NLGN4X: variants seen among roughly 807,000 people sequenced by gnomAD.
The protein encoded by NLGN4X is neuroligin-4, X-linked.
Under a neutral mutation model 40.3 loss-of-function variants are expected in NLGN4X, and 3 were observed. The ratio of observed to expected loss-of-function variants is 0.07; its 90% CI spans 0.03 to 0.19. The LOEUF is 0.19. NLGN4X is among the 10% of genes least tolerant of loss of function. The probability of loss-of-function intolerance (pLI) is 1.00; values close to 1 mark genes in which losing one functional copy is unlikely to be tolerated. For missense variants in NLGN4X, 382 were observed against 708.3 expected, an observed-to-expected ratio of 0.54 and a Z score of 5.23; for synonymous variants, 270 against 306.8, an observed-to-expected ratio of 0.88 and a Z score of 1.25.
chrX:6,208,720 T>G (rs1924273589), intron 1 of NLGN4X, among the ~76,000 whole-genome samples: 1 of 111,716 alleles, frequency 9.0e-6, no homozygotes, highest in Non-Finnish European at 1.9e-5. Flanking sequence ...GATGTCAAAC[T>G]CAAAACATAA....
intron 4 of NLGN4X, 151 bp downstream of exon 4, chrX:5,908,903 G>C: frequency 4.8e-6 from 3 of 621,246 alleles, no homozygotes; most frequent in Non-Finnish European, 7.5e-6. Flanking sequence ...TGAGTTAAAA[G>C]ACATGAAGAT....
chrX:6,210,816 C>T (rs1924537654), intron 1 of NLGN4X, among the ~76,000 whole-genome samples: 1 of 112,339 alleles, frequency 8.9e-6, no homozygotes, highest in South Asian at 3.7e-4. Context: ...CAGTGCTAGA[C>T]CTTGACCTTG....
intron 3 of NLGN4X, among the ~76,000 whole-genome samples, chrX:6,001,612 A>G (rs1362420953): frequency 1.8e-5 from 2 of 111,574 alleles, no homozygotes; most frequent in Non-Finnish European, 3.8e-5. Flanking sequence ...TTCAATTTCA[A>G]AACAATCATG....
At position 6,228,788 on chromosome X, in the gene NLGN4X, A is replaced by G. The variant is rs764039305; in HGVS notation, c.-553T>C. The stretch of plus-strand genomic sequence containing the variant: ...GTGGACGGGCAGAACAAGCATTACA[A>G]TTGAAGCAGGAAGGGCCAAGCTAGT... On this transcript the variant is annotated 5_prime_UTR_variant, in exon 1 of 6. Coordinates refer to ENST00000381095, the MANE Select transcript of NLGN4X (RefSeq NM_181332.3). 2.1e-4 allele frequency: 24 copies of G among 112,017 alleles called. No homozygotes were observed. In the Admixed American group the frequency reaches 2.3e-3, roughly 11 times the overall value. 9.2% of individuals were successfully genotyped at this position (112,017 alleles called of 1,213,427 possible).
At chrX:6,184,276 C>T (rs759131009) in intron 1 of NLGN4X, among the ~76,000 whole-genome samples, 3 of 111,842 alleles carry the variant, frequency 2.7e-5, no homozygotes, top group Non-Finnish European at 1.9e-5. Flanking sequence ...TTTCATTTAC[C>T]TGATGCCATT....
chrX:6,038,534 C>T (rs2037078005), intron 2 of NLGN4X, among the ~76,000 whole-genome samples: 1 of 113,046 alleles, frequency 8.8e-6, no homozygotes, highest in Non-Finnish European at 1.9e-5. Context: ...GGGCTTCACC[C>T]AATGTATATG....
intron 2 of NLGN4X, among the ~76,000 whole-genome samples, chrX:6,110,008 C>T (rs1425951095): frequency 9.0e-6 from 1 of 110,843 alleles, no homozygotes; most frequent in Non-Finnish European, 1.9e-5. Flanking sequence ...CAGAAAAACG[C>T]TTTCCTGACA....
intron 2 of NLGN4X, among the ~76,000 whole-genome samples, chrX:6,040,333 G>T (rs977251782): frequency 9.9e-5 from 11 of 111,038 alleles, no homozygotes; most frequent in African/African-American, 3.6e-4. Context: ...TAAATAATTT[G>T]CCCAAGTTTA....
chrX:5,980,992 A>C (rs1267893149), intron 3 of NLGN4X, among the ~76,000 whole-genome samples: 1 of 111,733 alleles, frequency 8.9e-6, no homozygotes, highest in Non-Finnish European at 1.9e-5. Flanking sequence ...TAATTTGTAC[A>C]AAATAAATAT....
At chrX:6,208,472 T>C (rs12853031) in intron 1 of NLGN4X, among the ~76,000 whole-genome samples, 45,042 of 111,102 alleles carry the variant, frequency 0.41, 6,689 homozygotes, top group Non-Finnish European at 0.46. Flanking sequence ...TAAAGTCTAT[T>C]CTGGTTATGA....
Position 6,074,868 on chromosome X carries a change from G to A in NLGN4X, c.473-45436C>T, listed in dbSNP as rs147390854. 1.2e-4 allele frequency among the ~76,000 whole-genome samples: 13 copies of A among 111,777 alleles called. No homozygotes were observed. In the East Asian group the frequency reaches 2.8e-3, roughly 24 times the overall value. ...GAGAGTCAGAGAGAGAAAGGTACTTGCCTTTCAGTATGCCGAAGAAAGAAA... is the reference window on the plus strand; with the variant it reads ...GAGAGTCAGAGAGAGAAAGGTACTTACCTTTCAGTATGCCGAAGAAAGAAA... On this transcript the variant is annotated intron_variant, in intron 2 of 5. Coordinates refer to ENST00000381095, the MANE Select transcript of NLGN4X (RefSeq NM_181332.3).
At chrX:6,106,359 A>G (rs771463553) in intron 2 of NLGN4X, among the ~76,000 whole-genome samples, 1 of 111,935 alleles carries the variant, frequency 8.9e-6, no homozygotes, top group South Asian at 3.8e-4. Context: ...GTTTAAGTCC[A>G]CTGAAGTTGG....
rs749585768 is a variant in NLGN4X, at chrX:6,181,017, TTCTC to T, written c.-305-29250_-305-29247del. ...GCATTCGGAGGCACCAATAGTTTGCTTCTCTCTCTCTCTAAGTGACAGCAACTCT... is the reference window on the plus strand; with the variant it reads ...GCATTCGGAGGCACCAATAGTTTGCTTCTCTCTCTAAGTGACAGCAACTCT... On this transcript the variant is annotated intron_variant, in intron 1 of 5. Coordinates refer to ENST00000381095, the MANE Select transcript of NLGN4X (RefSeq NM_181332.3). Among the ~76,000 whole-genome samples, 283 of 110,950 alleles carry T rather than the reference TTCTC, an allele frequency of 2.6e-3. 8 individuals are homozygous for T. The East Asian group carries it at 0.062, about 24-fold the overall frequency.
chrX:5,959,818 T>C (rs1354158441), intron 3 of NLGN4X, among the ~76,000 whole-genome samples: 1 of 111,270 alleles, frequency 9.0e-6, no homozygotes, highest in African/African-American at 3.3e-5. Context: ...GATTTCTTCG[T>C]GGTGATGCTG....
intron 3 of NLGN4X, among the ~76,000 whole-genome samples, chrX:5,976,170 T>C (rs749790109): frequency 5.3e-5 from 6 of 112,563 alleles, no homozygotes; most frequent in African/African-American, 1.6e-4. Flanking sequence ...ACTTTAATAA[T>C]CACAATATTT....
At chrX:6,001,203 C>T (rs2035961800) in intron 3 of NLGN4X, among the ~76,000 whole-genome samples, 1 of 111,596 alleles carries the variant, frequency 9.0e-6, no homozygotes, top group Non-Finnish European at 1.9e-5. Context: ...ATTATGGGAA[C>T]TACAGTTCAA....
At chrX:6,211,242 T>C (rs1302184076) in intron 1 of NLGN4X, among the ~76,000 whole-genome samples, 2 of 111,964 alleles carry the variant, frequency 1.8e-5, no homozygotes, top group African/African-American at 3.2e-5. Flanking sequence ...AGAATGTTTT[T>C]TGAAACATAC....
intron 3 of NLGN4X, among the ~76,000 whole-genome samples, chrX:5,926,849 C>A (rs1388502685): frequency 9.3e-6 from 1 of 107,783 alleles, no homozygotes; most frequent in African/African-American, 3.4e-5. Flanking sequence ...GTTTCCTAAT[C>A]ATTTGTCTAG....
At chrX:6,218,632 T>C (rs1446756913) in intron 1 of NLGN4X, among the ~76,000 whole-genome samples, 1 of 111,992 alleles carries the variant, frequency 8.9e-6, no homozygotes, top group Non-Finnish European at 1.9e-5. Flanking sequence ...ACCCCACTTA[T>C]TGGTACTCAA....
Sources: allele counts gnomAD v4.1 joint callset (sites outside exome capture counted in the v4.1 genomes callset), GRCh38; gene constraint gnomAD v4.1.1; transcripts MANE v1.5; gene names NCBI Gene and HGNC (gene_info 2026-07-23, HGNC 2026-07-21).